LRRC7: variants seen among roughly 807,000 people sequenced by gnomAD.
The protein encoded by LRRC7 is leucine-rich repeat-containing protein 7.
In LRRC7, 23 loss-of-function variants were observed where a neutral mutation model predicts 175.7. That is an observed-to-expected ratio of 0.13 (90% CI 0.09 to 0.19). The LOEUF is 0.19. LRRC7 is among the 10% of genes least tolerant of loss of function. LRRC7 has a pLI of 1.00. For missense variants in LRRC7, 1,354 were observed against 1,904.7 expected (o/e 0.71, Z 5.38); for synonymous variants, 685 against 680.9 (o/e 1.01, Z -0.09).
chr1:69,669,097 G>A (rs1658690254), intron 1 of LRRC7, among the ~76,000 whole-genome samples: 1 of 152,000 alleles, frequency 6.6e-6, no homozygotes, highest in Admixed American at 6.6e-5. Flanking sequence ...CTTAAGATAA[G>A]AATAGTTTAT....
chr1:69,928,198 G>A (rs941058979), intron 7 of LRRC7, among the ~76,000 whole-genome samples: 4 of 152,116 alleles, frequency 2.6e-5, no homozygotes, highest in Non-Finnish European at 5.9e-5. Flanking sequence ...GCCGTGTGAG[G>A]TGTCAGTCTG....
Position 69,878,643 on chromosome 1 carries a change from T to TA in LRRC7, c.647+40361dup, listed in dbSNP as rs547708904. Among the ~76,000 whole-genome samples the TA allele has an allele frequency of 2.1e-4, 32 of 152,178 alleles. No homozygotes were observed. The East Asian group carries it at 4.8e-3, about 23-fold the overall frequency. ...ATGGCTGCCTTGCTGATTTGACTGT[T>TA]ACTGTAGAACTGAAGATAAAGCGAA... On this transcript the variant is annotated intron_variant, in intron 7 of 26. Coordinates refer to ENST00000651989, the MANE Select transcript of LRRC7 (RefSeq NM_001370785.2).
chr1:70,040,380 A>G (rs764063967), intron 21 of LRRC7, among the ~76,000 whole-genome samples: 5 of 152,216 alleles, frequency 3.3e-5, no homozygotes, highest in Non-Finnish European at 5.9e-5. Flanking sequence ...GCCATTTAGA[A>G]TGTTGGTTTT....
chr1:69,660,881 A>T (rs1402813538), intron 1 of LRRC7, among the ~76,000 whole-genome samples: 1 of 152,124 alleles, frequency 6.6e-6, no homozygotes. Context: ...TGAATTGAGA[A>T]TAGATAATGA....
intron 11 of LRRC7, among the ~76,000 whole-genome samples, chr1:70,010,865 TAGATCTGA>T (rs1389437888): frequency 6.6e-6 from 1 of 152,150 alleles, no homozygotes; most frequent in African/African-American, 2.4e-5. Flanking sequence ...TTCCTTTCTG[TAGATCTGA>T]AGTAAAGCCG....
chr1:69,683,075 C>T (rs530583400), intron 2 of LRRC7, among the ~76,000 whole-genome samples: 20 of 152,228 alleles, frequency 1.3e-4, no homozygotes, highest in East Asian at 5.8e-4. Context: ...ATGCAACAAA[C>T]GCAACAAATT....
chr1:69,981,895 TCTA>T (rs1420731181), intron 9 of LRRC7, among the ~76,000 whole-genome samples: 2 of 152,216 alleles, frequency 1.3e-5, no homozygotes, highest in African/African-American at 4.8e-5. Context: ...TGAAGTAAGT[TCTA>T]CTACCATCCC....
chr1:69,984,711 C>T (rs1323145466), intron 9 of LRRC7, among the ~76,000 whole-genome samples: 1 of 152,152 alleles, frequency 6.6e-6, no homozygotes, highest in Non-Finnish European at 1.5e-5. Flanking sequence ...CTTCTGTTGC[C>T]TTAACAGCTA....
At chr1:69,782,794 G>A (rs190896974) in intron 3 of LRRC7, among the ~76,000 whole-genome samples, 1 of 152,262 alleles carries the variant, frequency 6.6e-6, no homozygotes, top group Admixed American at 6.5e-5. Flanking sequence ...TTTCTCAGTG[G>A]CCATTAACCT....
rs151132089 is a variant in LRRC7 at position 69,572,468 on chromosome 1, T to G, written c.2+3827T>G. Reference sequence around the variant, plus strand: ...TTATTTGTGAATTGTCAATAAAAACTCAGAATGAAAAGTGGCACTATAAAT... The same window carrying G: ...TTATTTGTGAATTGTCAATAAAAACGCAGAATGAAAAGTGGCACTATAAAT... On this transcript the variant is annotated intron_variant, in intron 1 of 26. Coordinates refer to ENST00000651989, the MANE Select transcript of LRRC7 (RefSeq NM_001370785.2). Among the ~76,000 whole-genome samples, 18 of 152,216 alleles carry G rather than the reference T, an allele frequency of 1.2e-4. No individual in the cohort carries two copies. The East Asian group carries it at 3.1e-3, about 26-fold the overall frequency.
intron 24 of LRRC7, 25 bp from the exon 25 acceptor site, chr1:70,089,702 A>T (rs768467769): frequency 3.0e-5 from 43 of 1,446,000 alleles, no homozygotes; most frequent in Non-Finnish European, 3.8e-5. Context: ...CTGTTTACTT[A>T]CCATTTTATA....
chr1:69,777,550 G>T (rs1672949799), intron 3 of LRRC7, among the ~76,000 whole-genome samples: 1 of 152,106 alleles, frequency 6.6e-6, no homozygotes, highest in South Asian at 2.1e-4. Flanking sequence ...GTACATGCTT[G>T]CTGGACTTAC....
At chr1:70,021,236 T>C in intron 16 of LRRC7, 107 bp downstream of exon 16, 1 of 1,061,488 alleles carries the variant, frequency 9.4e-7, no homozygotes, top group Non-Finnish European at 1.4e-6. Flanking sequence ...TCTTCAAGTC[T>C]CATGGCGGTA....
At chr1:69,824,817 A>T (rs958743284) in intron 4 of LRRC7, among the ~76,000 whole-genome samples, 2 of 152,100 alleles carry the variant, frequency 1.3e-5, no homozygotes, top group Admixed American at 1.3e-4. Flanking sequence ...CTTTTTGAAA[A>T]TTTTTGCATC....
At chr1:69,622,497 A>G (rs1181160462) in intron 1 of LRRC7, among the ~76,000 whole-genome samples, 2 of 152,342 alleles carry the variant, frequency 1.3e-5, no homozygotes, top group African/African-American at 2.4e-5. Context: ...GGACAACCCA[A>G]GATTAATTCT....
intron 8 of LRRC7, among the ~76,000 whole-genome samples, chr1:69,949,117 T>C (rs1211301571): frequency 6.6e-6 from 1 of 151,700 alleles, no homozygotes; most frequent in Non-Finnish European, 1.5e-5. Context: ...GCTCTTTAGT[T>C]ACAAAAGTAG....
intron 7 of LRRC7, among the ~76,000 whole-genome samples, chr1:69,847,748 C>G (rs1282298746): frequency 6.6e-6 from 1 of 152,090 alleles, no homozygotes; most frequent in Admixed American, 6.6e-5. Context: ...CTTAATAACG[C>G]TTGCCTGTGC....
intron 1 of LRRC7, among the ~76,000 whole-genome samples, chr1:69,658,679 A>G (rs1657003213): frequency 6.6e-6 from 1 of 152,092 alleles, no homozygotes; most frequent in Non-Finnish European, 1.5e-5. Context: ...TATAAAACAT[A>G]CAAAGAAACA....
At chr1:70,001,053 TTC>T (rs1377406345) in intron 11 of LRRC7, among the ~76,000 whole-genome samples, 1 of 152,202 alleles carries the variant, frequency 6.6e-6, no homozygotes, top group Non-Finnish European at 1.5e-5. Flanking sequence ...CATTATTTTA[TTC>T]TGTCTCATAA....
Sources: gnomAD v4.1 joint callset for allele counts (sites outside exome capture counted in the v4.1 genomes callset) on GRCh38, gnomAD v4.1.1 for gene constraint, MANE v1.5 for transcripts, NCBI Gene and HGNC (gene_info 2026-07-23, HGNC 2026-07-21) for gene names.